Variants in CDH13 observed in about 807,000 individuals in gnomAD.
The protein encoded by CDH13 is cadherin-13.
CDH13 carries 24 observed loss-of-function variants against 63.8 expected under a neutral mutation model. That is an observed-to-expected ratio of 0.38 (90% CI 0.27 to 0.53). The LOEUF (loss-of-function observed/expected upper bound fraction) is 0.53. CDH13 is among the 20% of genes least tolerant of loss of function. CDH13 has a pLI of 0.85. For missense variants in CDH13, 1,049 were observed against 903.1 expected (o/e 1.16, Z -2.07); for synonymous variants, 503 against 355.3 (o/e 1.42, Z -4.67).
chr16:82,628,335 T>TCCTGG (rs1447269141), intron 1 of CDH13, among the ~76,000 whole-genome samples: 3 of 152,074 alleles, frequency 2.0e-5, no homozygotes, highest in Non-Finnish European at 4.4e-5. Context: ...AGTGTTGAGT[T>TCCTGG]CCTGGCCGGG....
chr16:82,652,103 T>G (rs368717342), intron 1 of CDH13, among the ~76,000 whole-genome samples: 1 of 152,226 alleles, frequency 6.6e-6, no homozygotes, highest in Non-Finnish European at 1.5e-5. Flanking sequence ...GCAAAGTTAT[T>G]GGAACATGTG....
At chr16:83,145,790 C>T (rs772295746) in intron 4 of CDH13, among the ~76,000 whole-genome samples, 8 of 152,044 alleles carry the variant, frequency 5.3e-5, no homozygotes, top group Non-Finnish European at 1.2e-4. Flanking sequence ...TGGGTTCTGC[C>T]CTTATTGGAA....
chr16:83,229,231 T>C (rs1257660372), intron 5 of CDH13, among the ~76,000 whole-genome samples: 1 of 152,170 alleles, frequency 6.6e-6, no homozygotes, highest in Non-Finnish European at 1.5e-5. Flanking sequence ...TGTCATGAAA[T>C]AGAAATTAAT....
chr16:83,203,919 C>A (rs2039106904), intron 4 of CDH13, among the ~76,000 whole-genome samples: 1 of 152,178 alleles, frequency 6.6e-6, no homozygotes, highest in Non-Finnish European at 1.5e-5. Flanking sequence ...TCAAATTACA[C>A]CATTATTATG....
At position 83,647,579 on chromosome 16, in the gene CDH13, C is replaced by G. The variant is rs568046576; in HGVS notation, c.1102-23211C>G. ...GAGTTACTTATGAGCTGGGCTTCTG[C>G]AAAACCTGATAATCAAGGGACTCTG... On this transcript the variant is annotated intron_variant, in intron 8 of 13. Coordinates refer to ENST00000567109, the MANE Select transcript of CDH13 (RefSeq NM_001257.5). Among the ~76,000 whole-genome samples the G allele has an allele frequency of 7.9e-5, 12 of 152,284 alleles. No individual in the cohort carries two copies. The South Asian group carries it at 2.3e-3, about 29-fold the overall frequency.
At chr16:83,161,842 C>T (rs1043336141) in intron 4 of CDH13, among the ~76,000 whole-genome samples, 3 of 152,156 alleles carry the variant, frequency 2.0e-5, no homozygotes, top group African/African-American at 7.2e-5. Context: ...GCCTGAGACG[C>T]TATGTCAAAC....
At chr16:82,739,954 G>C (rs1260115247) in intron 1 of CDH13, among the ~76,000 whole-genome samples, 1 of 152,138 alleles carries the variant, frequency 6.6e-6, no homozygotes, top group African/African-American at 2.4e-5. Flanking sequence ...TACATCTCCA[G>C]ATATTCAAAA....
chr16:83,068,630 A>T (rs2032206328), intron 3 of CDH13, among the ~76,000 whole-genome samples: 1 of 152,142 alleles, frequency 6.6e-6, no homozygotes, highest in Non-Finnish European at 1.5e-5. Flanking sequence ...ATCACCAAAC[A>T]TACTGGCCTC....
chr16:83,050,761 A>T (rs1214265256), intron 3 of CDH13, among the ~76,000 whole-genome samples: 1 of 152,038 alleles, frequency 6.6e-6, no homozygotes, highest in Non-Finnish European at 1.5e-5. Context: ...GAACGCTCAT[A>T]CTGGGGTTAA....
In CDH13 at chr16:83,753,891, G is replaced by A. The variant is rs1388363852; in HGVS notation, c.1681+5641G>A. 2.6e-5 allele frequency among the ~76,000 whole-genome samples: 4 copies of A among 151,762 alleles called. No individual in the cohort carries two copies. In the South Asian group the frequency reaches 6.3e-4, roughly 24 times the overall value. On this transcript the variant is annotated intron_variant, in intron 11 of 13. Transcript: ENST00000567109. ...GTAAAGGAATCAGGGAGCTGCAGAA[G>A]CATTGACAACTAGATAAACTAAAAT...
At position 82,644,375 on chromosome 16, in the gene CDH13, G is replaced by A. The variant is rs896334653; in HGVS notation, c.45+17238G>A. ...TCTGTGCTCTCCATCACCCCCCTAC[G>A]GAGTTCCTTTGATTCTCAGGTCCCT... On this transcript the variant is annotated intron_variant, in intron 1 of 13. Transcript: ENST00000567109. This position sits in a 1 kb window ranked among gnomAD's most constrained non-coding sequence, Gnocchi z 5.7. Among the ~76,000 whole-genome samples, 4 of 151,972 alleles carry A rather than the reference G, an allele frequency of 2.6e-5. No homozygotes were observed. Among genetic ancestry groups the A allele is most frequent in the Non-Finnish European group, 4.4e-5 (3 of 68,012 alleles).
In CDH13 at chr16:83,200,710, A is replaced by G. The variant is rs79949470; in HGVS notation, c.484-16635A>G. On this transcript the variant is annotated intron_variant, in intron 4 of 13. Transcript: ENST00000567109. ...TACCACCCACCAAAGACTTGCATGG[A>G]TGGTGCAGTTTCCGAAAAACTTTGC... is the stretch of plus-strand genomic sequence containing the variant. 1.2e-4 allele frequency among the ~76,000 whole-genome samples: 18 copies of G among 152,308 alleles called. No homozygotes were observed. In the East Asian group the frequency reaches 3.5e-3, roughly 29 times the overall value.
At chr16:83,719,451 A>C (rs565320697) in intron 10 of CDH13, among the ~76,000 whole-genome samples, 30 of 147,178 alleles carry the variant, frequency 2.0e-4, no homozygotes, top group African/African-American at 6.9e-4. Context: ...CCTCTCAGTA[A>C]ACGGTGGACA....
intron 1 of CDH13, among the ~76,000 whole-genome samples, chr16:82,707,463 G>GAT (rs1426881903): frequency 1.8e-4 from 27 of 152,358 alleles, no homozygotes; most frequent in African/African-American, 6.3e-4. Flanking sequence ...GGCACGGAGA[G>GAT]ATGATAGGGT....
chr16:83,650,733 G>C (rs539444534), intron 8 of CDH13, among the ~76,000 whole-genome samples: 5 of 152,212 alleles, frequency 3.3e-5, no homozygotes, highest in Admixed American at 6.5e-5. Context: ...TGGCGAGGTC[G>C]AAAGACTCTA....
intron 5 of CDH13, among the ~76,000 whole-genome samples, chr16:83,331,754 A>G (rs1309721471): frequency 1.3e-5 from 2 of 152,198 alleles, no homozygotes; most frequent in African/African-American, 4.8e-5. Context: ...ACTTCTTAAC[A>G]TGCATACTAT....
At chr16:83,478,446 C>A in intron 6 of CDH13, among the ~76,000 whole-genome samples, 1 of 152,226 alleles carries the variant, frequency 6.6e-6, no homozygotes, top group South Asian at 2.1e-4. Context: ...TGTTAGAGGA[C>A]TGACCAAAGG....
chr16:83,164,083 A>C (rs982184959), intron 4 of CDH13, among the ~76,000 whole-genome samples: 7 of 152,146 alleles, frequency 4.6e-5, no homozygotes, highest in Non-Finnish European at 1.0e-4. Flanking sequence ...TGATCGGGAA[A>C]AAAATGAAAA....
In CDH13 at chr16:83,405,528, A is replaced by G. The variant is rs557663257; in HGVS notation, c.781+60522A>G. Among the ~76,000 whole-genome samples the G allele has an allele frequency of 2.0e-5, 3 of 152,320 alleles. No individual in the cohort carries two copies. The East Asian group carries it at 5.8e-4, about 29-fold the overall frequency. ...CAGCACCTAGAAGCAGGAAAAGGTA[A>G]GGGAACCTCATGTCACTAGAAGGAA... On this transcript the variant is annotated intron_variant, in intron 6 of 13. Coordinates refer to ENST00000567109, the MANE Select transcript of CDH13 (RefSeq NM_001257.5).
Sources: allele counts gnomAD v4.1 joint callset (sites outside exome capture counted in the v4.1 genomes callset), GRCh38; gene constraint gnomAD v4.1.1; non-coding constraint Gnocchi (gnomAD v3.1); transcripts MANE v1.5; gene names NCBI Gene and HGNC (gene_info 2026-07-23, HGNC 2026-07-21).